Variants in ZNF552 observed in about 807,000 individuals in gnomAD.
The protein encoded by ZNF552 is zinc finger protein 552.
In ZNF552, 2 loss-of-function variants were observed where a neutral mutation model predicts 7.2. The observed-to-expected ratio is 0.28, with a 90% CI of 0.11 to 0.88. ZNF552 has a LOEUF of 0.88. Ranked by LOEUF, ZNF552 falls within the 40% of genes least tolerant of loss-of-function variation. The probability of loss-of-function intolerance (pLI) is 0.60; values close to 1 mark genes in which losing one functional copy is unlikely to be tolerated. For missense variants in ZNF552, 421 were observed against 493.4 expected (o/e 0.85, Z 1.39); for synonymous variants, 173 against 176.5 (o/e 0.98, Z 0.16).
chr19:57,809,827 T>C (rs1470939995), intron 2 of ZNF552, among the ~76,000 whole-genome samples: 1 of 152,016 alleles, frequency 6.6e-6, no homozygotes, highest in Non-Finnish European at 1.5e-5. Flanking sequence ...ACAGAAATTA[T>C]TTTTAAAATG....
At position 57,808,427 on chromosome 19, in the gene ZNF552, A is replaced by C. The variant is rs1473320903; in HGVS notation, c.837T>G (p.Ser279Arg). Residue 279 changes from serine to arginine, a missense_variant, in exon 3 of 3, where the codon AGT becomes AGG. Ser to Arg is a moderately radical substitution (Grantham distance 110). Around this residue, in one of 2 missense-constraint regions of ZNF552, gnomAD observed 299 missense variants for 293.7 expected, o/e 1.02. Coordinates refer to ENST00000391701, the MANE Select transcript of ZNF552 (RefSeq NM_024762.3). The part of the protein sequence containing the change: ...TCGICGKLFN[S>R]KSHLLVHQRI... The stretch of plus-strand genomic sequence containing the variant: ...TCTGGTGTACAAGGAGGTGGGACTT[A>C]CTGTTAAATAATTTCCCACATATCC... The C allele has an allele frequency of 1.2e-6, 2 of 1,613,830 alleles. No homozygotes were observed. The highest frequency in any genetic ancestry group is 1.7e-6 in the Non-Finnish European group (2 of 1,179,892).
intron 2 of ZNF552, among the ~76,000 whole-genome samples, chr19:57,810,335 A>G (rs907139875): frequency 6.6e-6 from 1 of 152,070 alleles, no homozygotes; most frequent in Non-Finnish European, 1.5e-5. Flanking sequence ...GCCTTTGGGG[A>G]AAAGAAAGAG....
chr19:57,814,603 C>A, intron 1 of ZNF552, 108 bp downstream of exon 1: 1 of 1,592,156 alleles, frequency 6.3e-7, no homozygotes, highest in South Asian at 1.1e-5. Flanking sequence ...CTCAGTGTCC[C>A]GACGCCGGGT....
intron 2 of ZNF552, among the ~76,000 whole-genome samples, chr19:57,811,679 C>A (rs1192407545): frequency 1.2e-4 from 16 of 137,798 alleles, no homozygotes; most frequent in African/African-American, 4.4e-4. Flanking sequence ...CGCACCATTG[C>A]GCTCCAGCCT....
At chr19:57,811,203 C>T (rs564760293) in intron 2 of ZNF552, among the ~76,000 whole-genome samples, 2 of 151,890 alleles carry the variant, frequency 1.3e-5, no homozygotes, top group East Asian at 3.9e-4. Context: ...GACGGAGTCT[C>T]GCTCTGTTGC....
chr19:57,813,665 C>T (rs1987900127), intron 1 of ZNF552, among the ~76,000 whole-genome samples: 1 of 151,078 alleles, frequency 6.6e-6, no homozygotes, highest in Non-Finnish European at 1.5e-5. Flanking sequence ...CTAGTATGGC[C>T]GAGGTCATGG....
intron 2 of ZNF552, among the ~76,000 whole-genome samples, chr19:57,809,737 G>A (rs1348784180): frequency 6.6e-6 from 1 of 151,984 alleles, no homozygotes; most frequent in African/African-American, 2.4e-5. Context: ...GTGGCTCACA[G>A]CTGTAAACCC....
intron 2 of ZNF552, among the ~76,000 whole-genome samples, chr19:57,812,537 C>A (rs1212763505): frequency 6.6e-6 from 1 of 152,092 alleles, no homozygotes; most frequent in African/African-American, 2.4e-5. Context: ...AACAACTCAG[C>A]ACATGACAGC....
chr19:57,808,377 T>C lies in ZNF552; in HGVS notation c.887A>G (p.Tyr296Cys). ...HQRIHTGEKP[Y>C]ECEVCQKFFR... ...AAATTTCTGACAAACCTCACACTCA[T>C]ATGGCTTCTCTCCAGTGTGAATTCT... is the stretch of plus-strand genomic sequence containing the variant. The change falls in exon 3 of 3, where the codon TAT becomes TGT. Residue 296 changes from tyrosine to cysteine, a missense_variant. This residue lies in a region of ZNF552 where 299 missense variants were observed against 293.7 expected (regional missense o/e 1.02). Coordinates refer to ENST00000391701, the MANE Select transcript of ZNF552 (RefSeq NM_024762.3). The C allele has an allele frequency of 6.2e-7, 1 of 1,613,550 alleles. No homozygotes were observed. The highest frequency in any genetic ancestry group is 8.5e-7 in the Non-Finnish European group (1 of 1,179,604).
intron 1 of ZNF552, among the ~76,000 whole-genome samples, chr19:57,813,829 C>T (rs1342089999): frequency 6.6e-5 from 10 of 151,006 alleles, no homozygotes; most frequent in African/African-American, 2.4e-4. Context: ...ACGCAACCTC[C>T]GCCTCCCGGG....
Position 57,808,940 on chromosome 19 carries a change from A to T in ZNF552, c.324T>A (p.Asp108Glu), listed in dbSNP as rs773062805. 15 of 1,605,110 alleles carry T rather than the reference A, an allele frequency of 9.3e-6. No individual in the cohort carries two copies. The highest frequency in any genetic ancestry group is 3.3e-4 in the Middle Eastern group (2 of 6,014). The change falls in exon 3 of 3, where the codon GAT becomes GAA. Residue 108 changes from aspartate (D) to glutamate (E), a missense_variant. Coordinates refer to ENST00000391701, the MANE Select transcript of ZNF552 (RefSeq NM_024762.3). ...PILGDILHVADHQGTHHKQKL... is the reference protein window; with the variant it reads ...PILGDILHVAEHQGTHHKQKL... ...TCTGCTTGTGATGTGTTCCCTGATG[A>T]TCTGCCACATGCAAAATGTCTCCCA...
Position 57,814,913 on chromosome 19 carries a change from T to C in ZNF552, c.-170A>G, listed in dbSNP as rs1987932947. The C allele has an allele frequency of 2.9e-6, 2 of 695,176 alleles. No individual in the cohort carries two copies. Among genetic ancestry groups the C allele is most frequent in the African/African-American group, 3.6e-5 (2 of 55,610 alleles). The allele number at this position is 695,176 out of a possible 1,614,324, so 43.1% of individuals were successfully genotyped here. On this transcript the variant is annotated 5_prime_UTR_variant, in exon 1 of 3. Coordinates refer to ENST00000391701, the MANE Select transcript of ZNF552 (RefSeq NM_024762.3). ...TAACGCCAATGGAAATGGTCGCTAC[T>C]AAAGGGCGCCGGGAGTCCCGCCTCT...
chr19:57,813,579 ATAGT>A (rs1345379196), intron 1 of ZNF552, among the ~76,000 whole-genome samples, 159 bp from the exon 2 acceptor site: 5 of 152,024 alleles, frequency 3.3e-5, no homozygotes, highest in South Asian at 4.2e-4. Flanking sequence ...ACCAACAACA[ATAGT>A]TAGTTGAACA....
At chr19:57,812,592 G>A (rs1348279282) in intron 2 of ZNF552, among the ~76,000 whole-genome samples, 3 of 152,140 alleles carry the variant, frequency 2.0e-5, no homozygotes, top group South Asian at 2.1e-4. Context: ...TTTTTGAGAC[G>A]GAGTCTTGCT....
chr19:57,813,270 C>T, intron 2 of ZNF552, 24 bp downstream of exon 2: 2 of 1,613,758 alleles, frequency 1.2e-6, no homozygotes, highest in Non-Finnish European at 1.7e-6. Context: ...GCTCAGGTCA[C>T]AGGGGTGAGT....
Position 57,809,352 on chromosome 19 carries a change from A to G in ZNF552, c.161-249T>C, listed in dbSNP as rs1987811137. On this transcript the variant is annotated intron_variant, in intron 2 of 2. Transcript: ENST00000391701. The stretch of plus-strand genomic sequence containing the variant: ...ACAGGGAGTAGAGGCAGGGTCTACA[A>G]TCCCTGCATCTGCAAACCACTCATC... The G allele has an allele frequency of 7.0e-6, 5 of 717,492 alleles. No individual in the cohort carries two copies. In the Admixed American group the frequency reaches 9.2e-5, roughly 13 times the overall value. The allele number at this position is 717,492 out of a possible 1,614,324, so 44.4% of individuals were successfully genotyped here.
In ZNF552 at chr19:57,808,203, C is replaced by T. The variant is rs1987778865; in HGVS notation, c.1061G>A (p.Cys354Tyr). The change falls in exon 3 of 3, where the codon TGC becomes TAC. Residue 354 changes from cysteine (C) to tyrosine (Y), a missense_variant. By Grantham distance (194) the Cys-to-Tyr change is radical. This residue lies in a region of ZNF552 where 299 missense variants were observed against 293.7 expected (regional missense o/e 1.02). Coordinates refer to ENST00000391701, the MANE Select transcript of ZNF552 (RefSeq NM_024762.3). ...GGCAAAAGATTTCCCACATTCACTG[C>T]ACTCATAAGGCTTCTGACCAGTGTG... ...RVHTGQKPYE[C>Y]SECGKSFAES... 2 of 1,614,182 alleles carry T rather than the reference C, an allele frequency of 1.2e-6. No homozygotes were observed. The highest frequency in any genetic ancestry group is 2.7e-5 in the African/African-American group (2 of 75,028).
Position 57,808,401 on chromosome 19 carries a change from C to A in ZNF552, c.863G>T (p.Arg288Ile), listed in dbSNP as rs1173360513. ...NSKSHLLVHQ[R>I]IHTGEKPYEC... ...ATATGGCTTCTCTCCAGTGTGAATT[C>A]TCTGGTGTACAAGGAGGTGGGACTT... Residue 288 changes from arginine (R) to isoleucine (I), a missense_variant, in exon 3 of 3, where the codon AGA becomes ATA. Transcript: ENST00000391701. The A allele has an allele frequency of 6.2e-7, 1 of 1,613,612 alleles. No homozygotes were observed. The highest frequency in any genetic ancestry group is 1.1e-5 in the South Asian group (1 of 91,004).
At chr19:57,814,196 G>T (rs1183769293) in intron 1 of ZNF552, among the ~76,000 whole-genome samples, 1 of 152,110 alleles carries the variant, frequency 6.6e-6, no homozygotes, top group Non-Finnish European at 1.5e-5. Flanking sequence ...TTGGACTATT[G>T]TCTAACCTGC....
Sources: gnomAD v4.1 joint callset for allele counts (sites outside exome capture counted in the v4.1 genomes callset) on GRCh38, gnomAD v4.1.1 for gene constraint, gnomAD v4.1.1 regional missense constraint, MANE v1.5 for transcripts, NCBI Gene and HGNC (gene_info 2026-07-23, HGNC 2026-07-21) for gene names.